Variants in MAGI1 observed in about 807,000 individuals in gnomAD.
MAGI1 encodes the protein membrane-associated guanylate kinase, WW and PDZ domain-containing protein 1.
MAGI1 carries 58 observed loss-of-function variants against 139.9 expected under a neutral mutation model. The ratio of observed to expected loss-of-function variants is 0.41; its 90% CI spans 0.34 to 0.52. The LOEUF (loss-of-function observed/expected upper bound fraction) is 0.52. MAGI1 is among the 20% of genes least tolerant of loss of function. The probability of loss-of-function intolerance (pLI) is 0.12; values close to 1 mark genes in which losing one functional copy is unlikely to be tolerated. For synonymous variants in MAGI1, 812 were observed against 737.9 expected, an observed-to-expected ratio of 1.10 and a Z score of -1.63; for missense variants, 1,874 against 1,901.6, an observed-to-expected ratio of 0.99 and a Z score of 0.27.
chr3:65,702,020 T>C (rs2089651631), intron 1 of MAGI1, among the ~76,000 whole-genome samples: 1 of 152,098 alleles, frequency 6.6e-6, no homozygotes, highest in South Asian at 2.1e-4. Flanking sequence ...TTGCTCTCCC[T>C]AGGATGTGGC....
intron 1 of MAGI1, among the ~76,000 whole-genome samples, chr3:65,678,099 G>A (rs1187808854): frequency 3.3e-5 from 5 of 152,036 alleles, no homozygotes; most frequent in Non-Finnish European, 7.4e-5. Context: ...GCATGTTCTC[G>A]CTCATAAGTG....
chr3:65,430,603 G>A, intron 11 of MAGI1, 96 bp downstream of exon 11: 3 of 1,315,292 alleles, frequency 2.3e-6, no homozygotes, highest in East Asian at 2.3e-5. Context: ...GACGTTGCTT[G>A]GTCTTGCTCA....
Position 65,357,097 on chromosome 3 carries a change from G to T in MAGI1, c.3670C>A (p.Pro1224Thr), listed in dbSNP as rs1395922833. 6.2e-7 allele frequency: 1 copy of T among 1,613,412 alleles called. No homozygotes were observed. Among genetic ancestry groups the T allele is most frequent in the Non-Finnish European group, 8.5e-7 (1 of 1,179,634 alleles). ...GCCCTCACTTCCGGAACACCTTGTG[G>T]ACCGGTGGCGGGGCCGTGGCGGTCG... ...SSDRHGPATG[P>T]QGVPEVRAGP... Residue 1224 changes from proline to threonine, a missense_variant, in exon 23 of 23, where the codon CCA becomes ACA. Physicochemically the swap from Pro to Thr is conservative, Grantham distance 38. Transcript: ENST00000402939.
At chr3:65,704,956 G>A (rs778634322) in intron 1 of MAGI1, among the ~76,000 whole-genome samples, 9 of 151,836 alleles carry the variant, frequency 5.9e-5, no homozygotes, top group African/African-American at 2.2e-4. Flanking sequence ...ACTCCTCCGC[G>A]GTTTCCTCAA....
chr3:65,404,933 C>T (rs913760619), intron 12 of MAGI1, among the ~76,000 whole-genome samples: 1 of 152,170 alleles, frequency 6.6e-6, no homozygotes, highest in Non-Finnish European at 1.5e-5. Flanking sequence ...CTGTGTTCTA[C>T]AAATCATGTC....
intron 1 of MAGI1, among the ~76,000 whole-genome samples, chr3:65,769,613 C>A (rs907557729): frequency 2.2e-4 from 33 of 152,138 alleles, no homozygotes; most frequent in Admixed American, 7.9e-4. Flanking sequence ...GATGGACATG[C>A]AATTGAAAAA....
chr3:65,412,866 T>C (rs1460179995), intron 12 of MAGI1, among the ~76,000 whole-genome samples: 3 of 152,192 alleles, frequency 2.0e-5, no homozygotes, highest in African/African-American at 7.2e-5. Context: ...AGATGAGCTT[T>C]GGTCTCAGAA....
At chr3:65,379,691 A>C in intron 16 of MAGI1, 137 bp from the exon 17 acceptor site, 1 of 1,377,548 alleles carries the variant, frequency 7.3e-7, no homozygotes, top group Non-Finnish European at 9.8e-7. Flanking sequence ...GTTTCACAAT[A>C]CCTGGATATA....
At chr3:65,693,001 G>A (rs1253310988) in intron 1 of MAGI1, among the ~76,000 whole-genome samples, 1 of 152,084 alleles carries the variant, frequency 6.6e-6, no homozygotes, top group Non-Finnish European at 1.5e-5. Flanking sequence ...GCACAATCAT[G>A]GCTCACTGCA....
chr3:65,678,754 C>T (rs566143236), intron 1 of MAGI1, among the ~76,000 whole-genome samples: 6 of 152,168 alleles, frequency 3.9e-5, no homozygotes, highest in Admixed American at 6.5e-5. Context: ...GTTGTGTTCA[C>T]GCTCCTTGAA....
chr3:65,654,992 A>G (rs2085792133), intron 1 of MAGI1, among the ~76,000 whole-genome samples: 1 of 152,226 alleles, frequency 6.6e-6, no homozygotes, highest in South Asian at 2.1e-4. Flanking sequence ...GCATCTTGCC[A>G]TTACCCAATT....
chr3:65,786,251 C>CTTTTTT (rs3077812), intron 1 of MAGI1, among the ~76,000 whole-genome samples: 3 of 114,830 alleles, frequency 2.6e-5, no homozygotes, highest in Non-Finnish European at 3.4e-5. Flanking sequence ...CCAATCATAA[C>CTTTTTT]TTTTTTTTTT....
At chr3:65,980,240 T>G (rs1344084240) in intron 1 of MAGI1, among the ~76,000 whole-genome samples, 3 of 152,154 alleles carry the variant, frequency 2.0e-5, no homozygotes, top group African/African-American at 7.2e-5. Flanking sequence ...GGAGATCATT[T>G]GAAATATAGC....
chr3:65,783,676 T>A (rs2039125368), intron 1 of MAGI1, among the ~76,000 whole-genome samples: 1 of 151,566 alleles, frequency 6.6e-6, no homozygotes, highest in South Asian at 2.1e-4. Context: ...TTTTGTATTT[T>A]CAGTAGTGAT....
At chr3:65,466,272 A>G (rs1005283015) in intron 5 of MAGI1, among the ~76,000 whole-genome samples, 2 of 152,050 alleles carry the variant, frequency 1.3e-5, no homozygotes, top group African/African-American at 2.4e-5. Flanking sequence ...ACTCATTTTG[A>G]TATCTTCCTG....
intron 13 of MAGI1, among the ~76,000 whole-genome samples, chr3:65,401,091 T>C (rs1944851907): frequency 6.6e-6 from 1 of 152,092 alleles, no homozygotes. Context: ...TTTTTTTCTC[T>C]CCTTCCAAAG....
At chr3:65,692,262 AAGAC>A (rs1179496347) in intron 1 of MAGI1, among the ~76,000 whole-genome samples, 5 of 152,226 alleles carry the variant, frequency 3.3e-5, no homozygotes, top group Non-Finnish European at 7.3e-5. Context: ...ATGGTCAACA[AAGAC>A]AGATATCGTT....
At chr3:65,592,632 C>CAT (rs967418333) in intron 2 of MAGI1, among the ~76,000 whole-genome samples, 133 of 152,082 alleles carry the variant, frequency 8.7e-4, no homozygotes, top group African/African-American at 2.8e-3. Context: ...AAGCTATGTG[C>CAT]ATATATATAT....
chr3:65,405,023 A>C (rs1294201962), intron 12 of MAGI1, among the ~76,000 whole-genome samples: 1 of 152,194 alleles, frequency 6.6e-6, no homozygotes, highest in Non-Finnish European at 1.5e-5. Context: ...AGGGTAAGGA[A>C]GGGGAACTCT....
Sources: gnomAD v4.1 joint callset for allele counts (sites outside exome capture counted in the v4.1 genomes callset) on GRCh38, gnomAD v4.1.1 for gene constraint, MANE v1.5 for transcripts, NCBI Gene and HGNC (gene_info 2026-07-23, HGNC 2026-07-21) for gene names.